EOGT: variants seen among roughly 807,000 people sequenced by gnomAD.
EOGT encodes the protein EGF domain specific O-linked N-acetylglucosamine transferase.
Under a neutral mutation model 70.5 loss-of-function variants are expected in EOGT, and 55 were observed. The ratio of observed to expected loss-of-function variants is 0.78; its 90% CI spans 0.63 to 0.98. The LOEUF (loss-of-function observed/expected upper bound fraction) is 0.98. EOGT is among the 50% of genes least tolerant of loss of function. The probability of loss-of-function intolerance (pLI) is 0.00; values close to 1 mark genes in which losing one functional copy is unlikely to be tolerated. For synonymous variants in EOGT, 246 were observed against 217.1 expected (o/e 1.13, Z -1.17); for missense variants, 703 against 641.9 (o/e 1.10, Z -1.03).
chr3:69,009,374 A>T (rs899774304), intron 4 of EOGT, among the ~76,000 whole-genome samples: 13 of 152,184 alleles, frequency 8.5e-5, no homozygotes, highest in Non-Finnish European at 1.5e-4. Context: ...ATAAAATCTA[A>T]TTGCTTCTTT....
intron 15 of EOGT, among the ~76,000 whole-genome samples, chr3:68,980,797 T>G (rs952153093): frequency 3.3e-5 from 5 of 152,240 alleles, no homozygotes; most frequent in African/African-American, 1.2e-4. Context: ...ACCCCTGCAC[T>G]GCCAGTTGTG....
rs1451104865 is a variant in EOGT, at chr3:69,009,927, CAACAACAAA to C, written c.-14-76_-14-68del. On this transcript the variant is annotated intron_variant, in intron 3 of 17. Transcript: ENST00000383701. ...TTAAAAGCCAAAACAACAACAACAA[CAACAACAAA>C]AAAAAAAAAAAAACAAAGGGTCAAG... The C allele has an allele frequency of 1.5e-5, 8 of 538,484 alleles. No homozygotes were observed. In the East Asian group the frequency reaches 1.6e-4, roughly 10 times the overall value. The allele number at this position is 538,484 out of a possible 1,614,324, so 33.4% of individuals were successfully genotyped here.
intron 9 of EOGT, among the ~76,000 whole-genome samples, chr3:69,001,160 A>G (rs944026267): frequency 6.6e-6 from 1 of 151,912 alleles, no homozygotes; most frequent in African/African-American, 2.4e-5. Flanking sequence ...AGGTTTCACC[A>G]TGTTGGCCAG....
At chr3:68,981,969 C>T (rs950518531) in intron 15 of EOGT, among the ~76,000 whole-genome samples, 2 of 151,764 alleles carry the variant, frequency 1.3e-5, no homozygotes, top group Non-Finnish European at 2.9e-5. Context: ...TGCAATGGTG[C>T]AATGTCAGCT....
intron 15 of EOGT, among the ~76,000 whole-genome samples, chr3:68,981,608 C>T (rs2090641963): frequency 6.6e-6 from 1 of 152,158 alleles, no homozygotes; most frequent in Non-Finnish European, 1.5e-5. Context: ...GTAATTCTAG[C>T]AACAGGAATT....
chr3:68,977,437 A>T lies in EOGT; in HGVS notation c.*181T>A. 2 of 581,500 alleles carry T rather than the reference A, an allele frequency of 3.4e-6. No individual in the cohort carries two copies. Among genetic ancestry groups the T allele is most frequent in the Non-Finnish European group, 5.6e-6 (2 of 355,572 alleles). 36.0% of individuals were successfully genotyped at this position (581,500 alleles called of 1,614,324 possible). A position where few individuals can be genotyped will look rare whatever the true frequency, so the allele number is the denominator to read the frequency against. ...TTATTGCTATTGATAAATAGCAATGACACAAAAACCACATGAAACACTTAA... is the reference window on the plus strand; with the variant it reads ...TTATTGCTATTGATAAATAGCAATGTCACAAAAACCACATGAAACACTTAA... On this transcript the variant is annotated 3_prime_UTR_variant, in exon 18 of 18. Transcript: ENST00000383701.
chr3:68,978,128 G>A (rs772749680), intron 17 of EOGT, among the ~76,000 whole-genome samples: 88 of 152,276 alleles, frequency 5.8e-4, no homozygotes, highest in South Asian at 1.0e-3. Context: ...CAAATTTCAC[G>A]AAGCTGCCTT....
intron 16 of EOGT, among the ~76,000 whole-genome samples, chr3:68,979,122 G>A (rs2090558867): frequency 6.6e-6 from 1 of 152,106 alleles, no homozygotes; most frequent in Non-Finnish European, 1.5e-5. Context: ...AGTGTCTCAA[G>A]ACCTAAAATG....
intron 10 of EOGT, among the ~76,000 whole-genome samples, chr3:68,995,192 A>G (rs2091110771): frequency 6.6e-6 from 1 of 152,220 alleles, no homozygotes; most frequent in Non-Finnish European, 1.5e-5. Flanking sequence ...TTCATGTCAT[A>G]GTCAGCCTGC....
At chr3:68,982,121 T>C (rs1575710747) in intron 15 of EOGT, among the ~76,000 whole-genome samples, 1 of 152,264 alleles carries the variant, frequency 6.6e-6, no homozygotes, top group Admixed American at 6.5e-5. Context: ...GTTGTCCAGG[T>C]TGGTCTTGAA....
intron 13 of EOGT, 113 bp downstream of exon 13, chr3:68,988,182 T>C (rs750759443): frequency 2.6e-6 from 2 of 776,148 alleles, no homozygotes; most frequent in Non-Finnish European, 4.1e-6. Context: ...CCCCAGAAAA[T>C]GTTAACACAA....
chr3:68,992,880 T>C (rs1325206331), intron 10 of EOGT, among the ~76,000 whole-genome samples: 1 of 152,204 alleles, frequency 6.6e-6, no homozygotes, highest in Non-Finnish European at 1.5e-5. Flanking sequence ...CTGCCAAGGC[T>C]TGGGGCTTCC....
chr3:68,982,104 G>C (rs2090661783), intron 15 of EOGT, among the ~76,000 whole-genome samples: 1 of 152,012 alleles, frequency 6.6e-6, no homozygotes, highest in Admixed American at 6.6e-5. Context: ...AGATGGGGTT[G>C]CACCATGTTG....
intron 4 of EOGT, among the ~76,000 whole-genome samples, chr3:69,009,379 T>C (rs1239099957): frequency 1.3e-5 from 2 of 152,248 alleles, no homozygotes; most frequent in African/African-American, 4.8e-5. Flanking sequence ...ATCTAATTGC[T>C]TCTTTACAGA....
chr3:69,000,833 TA>T (rs1392211640), intron 9 of EOGT, among the ~76,000 whole-genome samples: 9 of 152,194 alleles, frequency 5.9e-5, no homozygotes. Flanking sequence ...ATGTCAAGAA[TA>T]AATTACACTG....
intron 9 of EOGT, among the ~76,000 whole-genome samples, chr3:69,000,623 C>G (rs1359687729): frequency 1.3e-5 from 2 of 152,158 alleles, no homozygotes. Context: ...GACAGAGGCT[C>G]TCTATATTTC....
intron 6 of EOGT, among the ~76,000 whole-genome samples, chr3:69,005,472 G>A (rs187447690): frequency 1.3e-5 from 2 of 152,100 alleles, no homozygotes; most frequent in East Asian, 3.9e-4. Flanking sequence ...ACTCCCCAAC[G>A]ATCTGTCACC....
intron 10 of EOGT, among the ~76,000 whole-genome samples, 174 bp downstream of exon 10, chr3:68,997,837 G>A (rs188298529): frequency 8.5e-5 from 13 of 152,292 alleles, no homozygotes; most frequent in African/African-American, 2.9e-4. Context: ...CTGCCTATAC[G>A]TATATGCACA....
chr3:68,997,406 T>C (rs1440961087), intron 10 of EOGT, among the ~76,000 whole-genome samples: 3 of 151,112 alleles, frequency 2.0e-5, no homozygotes, highest in Non-Finnish European at 4.4e-5. Context: ...TCTTGCTCTG[T>C]CACCCAGGTT....
Sources: gnomAD v4.1 joint callset for allele counts (sites outside exome capture counted in the v4.1 genomes callset) on GRCh38, gnomAD v4.1.1 for gene constraint, MANE v1.5 for transcripts, NCBI Gene and HGNC (gene_info 2026-07-23, HGNC 2026-07-21) for gene names.